Variants in HSPBAP1 observed in about 807,000 individuals in gnomAD.
HSPBAP1 encodes the protein HSPB1-associated protein 1.
In HSPBAP1, 27 loss-of-function variants were observed where a neutral mutation model predicts 45.2. The observed-to-expected ratio is 0.60, with a 90% CI of 0.44 to 0.82. The LOEUF (loss-of-function observed/expected upper bound fraction) is 0.82. Among genes scored for constraint, HSPBAP1 ranks in the 40% least tolerant of loss-of-function variants. The probability of loss-of-function intolerance (pLI) is 0.00; values close to 1 mark genes in which losing one functional copy is unlikely to be tolerated. For synonymous variants in HSPBAP1, 204 were observed against 202.7 expected, an observed-to-expected ratio of 1.01 and a Z score of -0.06; for missense variants, 510 against 590.9, an observed-to-expected ratio of 0.86 and a Z score of 1.42.
chr3:122,745,132 T>A (rs900078510), intron 6 of HSPBAP1, among the ~76,000 whole-genome samples: 6 of 152,194 alleles, frequency 3.9e-5, no homozygotes, highest in Non-Finnish European at 7.3e-5. Flanking sequence ...CTATTATTAA[T>A]GAATTGGATG....
At chr3:122,757,946 T>C (rs966903931) in intron 4 of HSPBAP1, among the ~76,000 whole-genome samples, 2 of 152,224 alleles carry the variant, frequency 1.3e-5, no homozygotes, top group Non-Finnish European at 2.9e-5. Context: ...TGATTGACTC[T>C]TGCATCCACA....
At chr3:122,774,395 G>A (rs879450217) in intron 2 of HSPBAP1, among the ~76,000 whole-genome samples, 7 of 152,046 alleles carry the variant, frequency 4.6e-5, no homozygotes, top group Non-Finnish European at 7.4e-5. Context: ...TAGACACAGG[G>A]AACTACATAC....
intron 1 of HSPBAP1, among the ~76,000 whole-genome samples, chr3:122,780,299 C>A: frequency 9.3e-6 from 1 of 107,598 alleles, no homozygotes; most frequent in Non-Finnish European, 2.0e-5. Context: ...CCCCCCACCT[C>A]CCTCCCGGAC....
Position 122,741,015 on chromosome 3 carries a change from T to A in HSPBAP1, c.924A>T (p.Leu308Phe). 6.2e-7 allele frequency: 1 copy of A among 1,613,948 alleles called. No individual in the cohort carries two copies. Among genetic ancestry groups the A allele is most frequent in the South Asian group, 1.1e-5 (1 of 91,082 alleles). Residue 308 changes from leucine to phenylalanine, a missense_variant, in exon 7 of 8, where the codon TTA becomes TTT. Leu to Phe is a conservative substitution (Grantham distance 22, BLOSUM62 0). Coordinates refer to ENST00000306103, the MANE Select transcript of HSPBAP1 (RefSeq NM_024610.6). ...AENPQNTRAW[L>F]NPTEVEETSH... ...AGAAGCCGCCTACCTCAGTGGGGTT[T>A]AACCAGGCTCTGGTATTTTGTGGAT...
At chr3:122,771,818 A>G (rs1935010536) in intron 2 of HSPBAP1, among the ~76,000 whole-genome samples, 1 of 152,242 alleles carries the variant, frequency 6.6e-6, no homozygotes, top group African/African-American at 2.4e-5. Flanking sequence ...TAACACTTCT[A>G]TTTCAAGTAT....
intron 6 of HSPBAP1, among the ~76,000 whole-genome samples, chr3:122,751,005 G>GA (rs1235900388): frequency 6.6e-6 from 1 of 151,808 alleles, no homozygotes; most frequent in Non-Finnish European, 1.5e-5. Context: ...CAGATCATGT[G>GA]AAAAAAAATC....
intron 6 of HSPBAP1, among the ~76,000 whole-genome samples, chr3:122,746,478 A>G (rs1933858557): frequency 6.6e-6 from 1 of 151,994 alleles, no homozygotes; most frequent in Non-Finnish European, 1.5e-5. Context: ...AGACCCAGAT[A>G]TGTTCAGGTA....
In HSPBAP1 at chr3:122,745,141, TG is replaced by T. The variant is rs1933801079; in HGVS notation, c.826-4029del. Among the ~76,000 whole-genome samples the T allele has an allele frequency of 2.0e-5, 3 of 152,180 alleles. No homozygotes were observed. In the South Asian group the frequency reaches 6.2e-4, roughly 32 times the overall value. On this transcript the variant is annotated intron_variant, in intron 6 of 7. Transcript: ENST00000306103. ...TCTCCCCTATTATTAATGAATTGGA[TG>T]GATTAGCCAATGTAATCAGACCAAA...
At chr3:122,762,553 T>C (rs533500635) in intron 3 of HSPBAP1, among the ~76,000 whole-genome samples, 1 of 152,326 alleles carries the variant, frequency 6.6e-6, no homozygotes, top group African/African-American at 2.4e-5. Context: ...TTGCTTAGCA[T>C]ATCTCTTCAG....
intron 1 of HSPBAP1, among the ~76,000 whole-genome samples, chr3:122,785,555 A>G (rs1560169367): frequency 6.6e-6 from 1 of 151,672 alleles, no homozygotes; most frequent in East Asian, 1.9e-4. Flanking sequence ...TTATCCACTG[A>G]CTCTGCTCCT....
intron 3 of HSPBAP1, among the ~76,000 whole-genome samples, chr3:122,766,285 C>T (rs959073440): frequency 1.3e-5 from 2 of 152,082 alleles, no homozygotes; most frequent in Non-Finnish European, 2.9e-5. Context: ...CATTTTATGA[C>T]AGATATAAGA....
intron 3 of HSPBAP1, among the ~76,000 whole-genome samples, chr3:122,764,679 T>C (rs1289586387): frequency 6.6e-6 from 1 of 152,232 alleles, no homozygotes; most frequent in East Asian, 1.9e-4. Flanking sequence ...AGCATTTGTT[T>C]TGAACATTTT....
chr3:122,753,656 AT>A (rs1377669875), intron 5 of HSPBAP1: 32 of 985,194 alleles, frequency 3.2e-5, no homozygotes, highest in Non-Finnish European at 3.9e-5. Flanking sequence ...TGGGCTTCAC[AT>A]TAGGAAACTA....
chr3:122,755,237 T>C, intron 5 of HSPBAP1, 23 bp downstream of exon 5: 1 of 1,504,542 alleles, frequency 6.6e-7, no homozygotes, highest in Non-Finnish European at 8.9e-7. Flanking sequence ...TGGCAGGTCA[T>C]TAATGTTTTA....
At chr3:122,780,856 AC>A (rs1935432292) in intron 1 of HSPBAP1, among the ~76,000 whole-genome samples, 1 of 125,090 alleles carries the variant, frequency 8.0e-6, no homozygotes, top group African/African-American at 3.0e-5. Context: ...CCGGGCAGAG[AC>A]GCTCCTCACC....
intron 1 of HSPBAP1, among the ~76,000 whole-genome samples, chr3:122,779,314 T>C (rs1333201172): frequency 6.6e-6 from 1 of 151,626 alleles, no homozygotes; most frequent in Non-Finnish European, 1.5e-5. Context: ...GTGCTGGGAT[T>C]ACAGGCATAA....
intron 1 of HSPBAP1, among the ~76,000 whole-genome samples, chr3:122,788,648 T>C (rs1935726187): frequency 1.3e-5 from 2 of 152,282 alleles, no homozygotes; most frequent in South Asian, 4.1e-4. Flanking sequence ...TACTACAACA[T>C]GGATGAACCT....
rs550431129 is a variant in HSPBAP1, at chr3:122,747,641, GC to G, written c.825+4949del. ...ATCTGGGAGGGAGGTGGGGGGGTCA[GC>G]CCCCCGCCCGGCCAGCCGCCCCGTC... is the stretch of plus-strand genomic sequence containing the variant. On this transcript the variant is annotated intron_variant, in intron 6 of 7. Coordinates refer to ENST00000306103, the MANE Select transcript of HSPBAP1 (RefSeq NM_024610.6). 7.6e-4 allele frequency among the ~76,000 whole-genome samples: 111 copies of G among 146,756 alleles called. 1 individual carries two copies. In the East Asian group the frequency reaches 0.021, roughly 28 times the overall value.
At chr3:122,759,142 T>C in intron 4 of HSPBAP1, 82 bp downstream of exon 4, 1 of 1,499,686 alleles carries the variant, frequency 6.7e-7, no homozygotes, top group East Asian at 2.5e-5. Flanking sequence ...GGTATTGCCC[T>C]ATTCTCTCTG....
Sources: allele counts gnomAD v4.1 joint callset (sites outside exome capture counted in the v4.1 genomes callset), GRCh38; gene constraint gnomAD v4.1.1; transcripts MANE v1.5; gene names NCBI Gene and HGNC (gene_info 2026-07-23, HGNC 2026-07-21).